CLDN10: variants seen among roughly 807,000 people sequenced by gnomAD.
CLDN10 encodes the protein claudin 10.
CLDN10 carries 15 observed loss-of-function variants against 22.9 expected under a neutral mutation model. That is an observed-to-expected ratio of 0.65 (90% CI 0.44 to 1.01). The LOEUF (loss-of-function observed/expected upper bound fraction) is 1.01. CLDN10 is among the 50% of genes least tolerant of loss of function. The probability of loss-of-function intolerance (pLI) is 0.00; values close to 1 mark genes in which losing one functional copy is unlikely to be tolerated. For missense variants in CLDN10, 247 were observed against 287.8 expected, an observed-to-expected ratio of 0.86 and a Z score of 1.03; for synonymous variants, 114 against 111.4, an observed-to-expected ratio of 1.02 and a Z score of -0.15.
chr13:95,564,347 C>T (rs2043755659), intron 3 of CLDN10, among the ~76,000 whole-genome samples: 1 of 152,184 alleles, frequency 6.6e-6, no homozygotes, highest in South Asian at 2.1e-4. Context: ...CTCTCTTCTT[C>T]CCATTATTAT....
At chr13:95,575,589 T>TAGTGTGTGTGTGTG (rs1566346896) in intron 3 of CLDN10, among the ~76,000 whole-genome samples, 1 of 99,336 alleles carries the variant, frequency 1.0e-5, no homozygotes, top group African/African-American at 3.2e-5. Flanking sequence ...GCTGCTCAGT[T>TAGTGTGTGTGTGTG]CGTGTGTGTG....
intron 1 of CLDN10, among the ~76,000 whole-genome samples, chr13:95,474,956 G>GAT (rs891134308): frequency 1.3e-5 from 2 of 152,190 alleles, no homozygotes; most frequent in African/African-American, 4.8e-5. Flanking sequence ...GGATCTCAGG[G>GAT]ATCTGCCAGT....
intron 1 of CLDN10, among the ~76,000 whole-genome samples, chr13:95,537,391 G>A (rs1337001350): frequency 2.6e-5 from 4 of 152,114 alleles, no homozygotes; most frequent in Non-Finnish European, 5.9e-5. Flanking sequence ...TATGAATTGC[G>A]AACAGAGGGG....
Position 95,462,365 on chromosome 13 carries a change from T to C in CLDN10, c.214+28318T>C, listed in dbSNP as rs546900885. Among the ~76,000 whole-genome samples the C allele has an allele frequency of 1.5e-4, 23 of 152,364 alleles. No homozygotes were observed. The South Asian group carries it at 4.1e-3, about 27-fold the overall frequency. The stretch of plus-strand genomic sequence containing the variant: ...TAGCCACTTTTACTTATTTTGTTCA[T>C]TCTGCCTGTAAGGAAAGTTATTTAA... On this transcript the variant is annotated intron_variant, in intron 1 of 4. Transcript: ENST00000376873.
At chr13:95,447,910 C>T (rs1211235857) in intron 1 of CLDN10, among the ~76,000 whole-genome samples, 4 of 152,158 alleles carry the variant, frequency 2.6e-5, no homozygotes, top group African/African-American at 9.7e-5. Context: ...TCCCCTCCCA[C>T]CTGCAGCATC....
At chr13:95,531,434 G>T (rs2043341109) in intron 1 of CLDN10, among the ~76,000 whole-genome samples, 1 of 152,132 alleles carries the variant, frequency 6.6e-6, no homozygotes, top group African/African-American at 2.4e-5. Context: ...CTAGTAGGCG[G>T]TCAAAAGTCA....
chr13:95,436,704 G>A (rs1341388497), intron 1 of CLDN10, among the ~76,000 whole-genome samples: 1 of 152,140 alleles, frequency 6.6e-6, no homozygotes, highest in Non-Finnish European at 1.5e-5. Context: ...TGTTTTCAAT[G>A]TCAGAAACAC....
At chr13:95,561,508 A>G (rs1426403694) in intron 3 of CLDN10, among the ~76,000 whole-genome samples, 2 of 152,102 alleles carry the variant, frequency 1.3e-5, no homozygotes, top group Non-Finnish European at 2.9e-5. Flanking sequence ...TTATTGTGTT[A>G]TTTTATTTTA....
At chr13:95,507,680 A>G (rs1313318311) in intron 1 of CLDN10, among the ~76,000 whole-genome samples, 1 of 151,820 alleles carries the variant, frequency 6.6e-6, no homozygotes, top group Non-Finnish European at 1.5e-5. Context: ...CTGGAGTGCA[A>G]TGGTGCAATC....
chr13:95,554,241 C>T (rs1033668409), intron 1 of CLDN10, among the ~76,000 whole-genome samples: 7 of 152,148 alleles, frequency 4.6e-5, no homozygotes, highest in East Asian at 1.9e-4. Flanking sequence ...TTGTAGAGCA[C>T]GCATCCAGGT....
chr13:95,538,291 C>A (rs1594597134), intron 1 of CLDN10, among the ~76,000 whole-genome samples: 1 of 151,102 alleles, frequency 6.6e-6, no homozygotes, highest in Non-Finnish European at 1.5e-5. Flanking sequence ...GCGCCCACCA[C>A]CACGCCTGGC....
At chr13:95,464,818 G>A (rs1475656100) in intron 1 of CLDN10, among the ~76,000 whole-genome samples, 1 of 151,900 alleles carries the variant, frequency 6.6e-6, no homozygotes, top group East Asian at 1.9e-4. Context: ...TGCAACCTCT[G>A]CCTCCCAGGC....
chr13:95,480,350 C>T (rs1226878033), intron 1 of CLDN10, among the ~76,000 whole-genome samples: 2 of 152,228 alleles, frequency 1.3e-5, no homozygotes, highest in African/African-American at 4.8e-5. Context: ...GTAGAGCAGT[C>T]TCTGAAGGCC....
intron 1 of CLDN10, among the ~76,000 whole-genome samples, chr13:95,495,825 T>C (rs940376635): frequency 1.3e-5 from 2 of 151,890 alleles, no homozygotes; most frequent in Non-Finnish European, 2.9e-5. Context: ...GAATTTCTAA[T>C]GGGCAGTAAA....
chr13:95,558,865 C>T (rs1463882459), intron 1 of CLDN10, among the ~76,000 whole-genome samples: 2 of 152,102 alleles, frequency 1.3e-5, no homozygotes, highest in African/African-American at 2.4e-5. Context: ...TTTGAGGCTG[C>T]AGTGAGCTAT....
At chr13:95,499,292 A>G (rs1342188487) in intron 1 of CLDN10, among the ~76,000 whole-genome samples, 1 of 152,236 alleles carries the variant, frequency 6.6e-6, no homozygotes, top group Non-Finnish European at 1.5e-5. Flanking sequence ...CTGTAATCCC[A>G]GCACTTTGAA....
intron 1 of CLDN10, among the ~76,000 whole-genome samples, chr13:95,537,026 G>C (rs2043407568): frequency 6.6e-6 from 1 of 152,202 alleles, no homozygotes; most frequent in Non-Finnish European, 1.5e-5. Context: ...TTCTTTAGAA[G>C]AGTTTCAGAG....
chr13:95,474,317 T>C (rs773874144), intron 1 of CLDN10, among the ~76,000 whole-genome samples: 2 of 152,146 alleles, frequency 1.3e-5, no homozygotes, highest in Non-Finnish European at 2.9e-5. Context: ...GCCCAGCTGA[T>C]CTGACAGGAG....
chr13:95,453,941 T>G (rs2042457989), intron 1 of CLDN10, among the ~76,000 whole-genome samples: 1 of 150,704 alleles, frequency 6.6e-6, no homozygotes, highest in Non-Finnish European at 1.5e-5. Flanking sequence ...TGCTCATCAA[T>G]CTCATTCCCC....
Sources: gnomAD v4.1 joint callset for allele counts (sites outside exome capture counted in the v4.1 genomes callset) on GRCh38, gnomAD v4.1.1 for gene constraint, MANE v1.5 for transcripts, NCBI Gene and HGNC (gene_info 2026-07-23, HGNC 2026-07-21) for gene names.